RBPJL: variants seen among roughly 807,000 people sequenced by gnomAD.
RBPJL encodes the protein recombining binding protein suppressor of hairless-like protein.
RBPJL carries 50 observed loss-of-function variants against 57.6 expected under a neutral mutation model. That is an observed-to-expected ratio of 0.87 (90% CI 0.69 to 1.10). RBPJL has a LOEUF of 1.10. Ranked by LOEUF, RBPJL falls within the 50% of genes least tolerant of loss-of-function variation. The pLI is 0.00. For synonymous variants in RBPJL, 303 were observed against 294.4 expected (o/e 1.03, Z -0.30); for missense variants, 684 against 693.7 (o/e 0.99, Z 0.16).
intron 10 of RBPJL, 29 bp from the exon 11 acceptor site, chr20:45,316,448 T>G: frequency 6.4e-7 from 1 of 1,555,658 alleles, no homozygotes; most frequent in South Asian, 1.2e-5. Flanking sequence ...CTTGGTTCTC[T>G]CACCTCACCT....
At chr20:45,313,339 C>G in intron 6 of RBPJL, 129 bp from the exon 7 acceptor site, 1 of 671,254 alleles carries the variant, frequency 1.5e-6, no homozygotes, top group East Asian at 2.9e-5. Flanking sequence ...TAACCCTCAC[C>G]CTAATCCTAA....
At position 45,311,879 on chromosome 20, in the gene RBPJL, C is replaced by T. The variant is rs1253527849; in HGVS notation, c.369C>T (p.Tyr123=). 3 of 1,551,804 alleles carry T rather than the reference C, an allele frequency of 1.9e-6. 1 individual carries two copies. The South Asian group carries it at 3.6e-5, about 18-fold the overall frequency. The change falls in exon 5 of 12, where the codon TAC becomes TAT. Residue 123 remains tyrosine, a synonymous_variant. Coordinates refer to ENST00000343694, the MANE Select transcript of RBPJL (RefSeq NM_014276.4). ...AGETGPTVCG[Y]MGLDSASGSA... is the part of the protein sequence containing the mutation. ...AAACGGGGCCCACGGTCTGCGGTTACATGGGACTGGACAGCGCGTCCGGCA... is the reference window on the plus strand; with the variant it reads ...AAACGGGGCCCACGGTCTGCGGTTATATGGGACTGGACAGCGCGTCCGGCA...
rs376461032 is a variant in RBPJL, at chr20:45,316,543, G to C, written c.1243G>C (p.Val415Leu). Residue 415 changes from valine to leucine, a missense_variant, in exon 11 of 12, where the codon GTG (valine) becomes CTG (leucine). By Grantham distance (32) the Val-to-Leu change is conservative. Transcript: ENST00000343694. ...AGAGAACTTCCACGCGGGGCTCAAG[G>C]TGTGGTTTGGGGACGTGGAGGCAGA... The part of the protein sequence containing the change: ...HGENFHAGLK[V>L]WFGDVEAETM... 1 of 1,539,818 alleles carries C rather than the reference G, an allele frequency of 6.5e-7. No individual in the cohort carries two copies. The highest frequency in any genetic ancestry group is 8.7e-7 in the Non-Finnish European group (1 of 1,143,694).
chr20:45,311,485 G>C, intron 3 of RBPJL, 104 bp from the exon 4 acceptor site: 1 of 1,034,142 alleles, frequency 9.7e-7, no homozygotes, highest in South Asian at 1.4e-5. Flanking sequence ...GGAGCGGGAG[G>C]AGGAAACGAA....
intron 3 of RBPJL, 140 bp downstream of exon 3, chr20:45,309,832 C>A: frequency 9.5e-7 from 1 of 1,050,888 alleles, no homozygotes; most frequent in Non-Finnish European, 1.3e-6. Flanking sequence ...AGGGCCTTGA[C>A]CCTCAGCCAC....
chr20:45,317,030 G>C lies in RBPJL; in HGVS notation c.*71G>C, dbSNP rs558804252. 7.2e-6 allele frequency: 11 copies of C among 1,519,712 alleles called. No individual in the cohort carries two copies. In the East Asian group the frequency reaches 2.3e-4, roughly 31 times the overall value. The allele number at this position is 1,519,712 out of a possible 1,614,324, so 94.1% of individuals were successfully genotyped here. Reference sequence around the variant, plus strand: ...CGCCAGGCGCGGGGACGTGTTTCTGGGTTCTAGGCCCTGCTTCCTTGCCCC... The same window carrying C: ...CGCCAGGCGCGGGGACGTGTTTCTGCGTTCTAGGCCCTGCTTCCTTGCCCC... On this transcript the variant is annotated 3_prime_UTR_variant, in exon 12 of 12. Coordinates refer to ENST00000343694, the MANE Select transcript of RBPJL (RefSeq NM_014276.4).
chr20:45,312,843 A>AG (rs1987256271), intron 6 of RBPJL, among the ~76,000 whole-genome samples: 2 of 151,106 alleles, frequency 1.3e-5, no homozygotes, highest in Admixed American at 6.6e-5. Context: ...AAAAAAAAAA[A>AG]AAAGAAAAAG....
chr20:45,316,573 A>T lies in RBPJL; in HGVS notation c.1273A>T (p.Met425Leu). ...VWFGDVEAETMYRSPRSLVCV... is the reference protein window; with the variant it reads ...VWFGDVEAETLYRSPRSLVCV... ...GTTTGGGGACGTGGAGGCAGAAACCATGTACAGGTACGGGGTGGTGAGGCA... is the reference window on the plus strand; with the variant it reads ...GTTTGGGGACGTGGAGGCAGAAACCTTGTACAGGTACGGGGTGGTGAGGCA... The change falls in exon 11 of 12, where the codon ATG becomes TTG. Residue 425 changes from methionine (M) to leucine (L), a missense_variant. By Grantham distance (15) the Met-to-Leu change is conservative. Transcript: ENST00000343694. The T allele has an allele frequency of 6.5e-7, 1 of 1,533,326 alleles. No homozygotes were observed. Among genetic ancestry groups the T allele is most frequent in the Non-Finnish European group, 8.8e-7 (1 of 1,140,140 alleles). The allele number at this position is 1,533,326 out of a possible 1,614,324, so 95.0% of individuals were successfully genotyped here.
At chr20:45,314,698 A>T in intron 9 of RBPJL, 133 bp downstream of exon 9, 1 of 756,514 alleles carries the variant, frequency 1.3e-6, no homozygotes, top group Non-Finnish European at 2.1e-6. Flanking sequence ...AAAATCATAG[A>T]CTCCCAGGAC....
chr20:45,311,848 C>T lies in RBPJL; in HGVS notation c.338C>T (p.Ala113Val), dbSNP rs1987187841. The change falls in exon 5 of 12, where the codon GCG (alanine) becomes GTG (valine). Residue 113 changes from alanine (A) to valine (V), a missense_variant. By Grantham distance (64) the Ala-to-Val change is moderately conservative (BLOSUM62 0). Transcript: ENST00000343694. ...TCGCGTCCCTTTCCAGCTCACCAGG[C>T]GGGGGAAACGGGGCCCACGGTCTGC... Reference protein sequence around the residue: ...VKPGQDQAHQAGETGPTVCGY... With the variant: ...VKPGQDQAHQVGETGPTVCGY... 6.4e-7 allele frequency: 1 copy of T among 1,551,418 alleles called. No homozygotes were observed. Among genetic ancestry groups the T allele is most frequent in the Non-Finnish European group, 8.7e-7 (1 of 1,146,710 alleles).
chr20:45,315,800 AAAG>A (rs1173116502), intron 9 of RBPJL: 1 of 157,630 alleles, frequency 6.3e-6, no homozygotes, highest in Non-Finnish European at 1.4e-5. Context: ...AGAGAGAGAG[AAAG>A]AAAAAGAAAG....
rs1987222297 is a variant in RBPJL, at chr20:45,312,324, C to T, written c.548C>T (p.Thr183Ile). The change falls in exon 6 of 12, where the codon ACC becomes ATC. Residue 183 changes from threonine (T) to isoleucine (I), a missense_variant. Coordinates refer to ENST00000343694, the MANE Select transcript of RBPJL (RefSeq NM_014276.4). ...CTGCGCGGGGGCCGGGAGCTGGGTA[C>T]CTTCCACAGCCGCCTTATCAAGGTC... ...LVLRGGRELGTFHSRLIKVIS... is the reference protein window; with the variant it reads ...LVLRGGRELGIFHSRLIKVIS... The T allele has an allele frequency of 2.5e-6, 4 of 1,614,030 alleles. No individual in the cohort carries two copies. Among genetic ancestry groups the T allele is most frequent in the Non-Finnish European group, 3.4e-6 (4 of 1,180,022 alleles).
intron 6 of RBPJL, among the ~76,000 whole-genome samples, 189 bp from the exon 7 acceptor site, chr20:45,313,279 C>T (rs532735715): frequency 6.6e-6 from 1 of 152,064 alleles, no homozygotes; most frequent in Non-Finnish European, 1.5e-5. Flanking sequence ...TGACCCCCTC[C>T]CTCACCCTAA....
Position 45,311,649 on chromosome 20 carries a change from G to T in RBPJL, c.318G>T (p.Gly106=). Residue 106 remains glycine, a synonymous_variant, in exon 4 of 12, where the codon GGG becomes GGT. Coordinates refer to ENST00000343694, the MANE Select transcript of RBPJL (RefSeq NM_014276.4). ...GGCCTGGCTGGAGGGTGAAGCCAGGGCAGGATCAAGGTGAGGGCGGAATCA... is the reference window on the plus strand; with the variant it reads ...GGCCTGGCTGGAGGGTGAAGCCAGGTCAGGATCAAGGTGAGGGCGGAATCA... ...LSGPGWRVKP[G]QDQAHQAGET... The T allele has an allele frequency of 2.5e-6, 4 of 1,614,148 alleles. No homozygotes were observed. The highest frequency in any genetic ancestry group is 3.4e-6 in the Non-Finnish European group (4 of 1,180,016).
chr20:45,313,572 G>A lies in RBPJL; in HGVS notation c.724G>A (p.Ala242Thr). The A allele has an allele frequency of 6.2e-7, 1 of 1,613,336 alleles. No individual in the cohort carries two copies. Among genetic ancestry groups the A allele is most frequent in the Non-Finnish European group, 8.5e-7 (1 of 1,179,574 alleles). Residue 242 changes from alanine to threonine, a missense_variant, in exon 7 of 12, where the codon GCA becomes ACA. By Grantham distance (58) the Ala-to-Thr change is moderately conservative (BLOSUM62 0). Coordinates refer to ENST00000343694, the MANE Select transcript of RBPJL (RefSeq NM_014276.4). ...GGAGGATGGGGCCTTTGTGGCCAGTGCACGACAGTGGGCTGCCTTCACGCT... is the reference window on the plus strand; with the variant it reads ...GGAGGATGGGGCCTTTGTGGCCAGTACACGACAGTGGGCTGCCTTCACGCT... The part of the protein sequence containing the change: ...SVEDGAFVAS[A>T]RQWAAFTLHL...
At chr20:45,312,913 T>C (rs1044226255) in intron 6 of RBPJL, among the ~76,000 whole-genome samples, 1 of 148,696 alleles carries the variant, frequency 6.7e-6, no homozygotes, top group Non-Finnish European at 1.5e-5. Flanking sequence ...GAGGCTGAGA[T>C]CAGAAGATCA....
chr20:45,312,532 G>C (rs554101930), intron 6 of RBPJL, 137 bp downstream of exon 6: 5 of 847,830 alleles, frequency 5.9e-6, no homozygotes, highest in African/African-American at 3.4e-5. Flanking sequence ...GAGCCGAGAG[G>C]GGAAGGAGTC....
intron 3 of RBPJL, among the ~76,000 whole-genome samples, chr20:45,310,556 G>A (rs1336881204): frequency 2.0e-5 from 3 of 151,790 alleles, no homozygotes; most frequent in Non-Finnish European, 4.4e-5. Context: ...GCAGTGAGCC[G>A]AGATCATGCC....
chr20:45,310,328 C>T (rs887780957), intron 3 of RBPJL, among the ~76,000 whole-genome samples: 1 of 152,086 alleles, frequency 6.6e-6, no homozygotes, highest in South Asian at 2.1e-4. Flanking sequence ...ACAGAAGGGC[C>T]GGGCGCGATG....
Sources: allele counts gnomAD v4.1 joint callset (sites outside exome capture counted in the v4.1 genomes callset), GRCh38; gene constraint gnomAD v4.1.1; transcripts MANE v1.5; gene names NCBI Gene and HGNC (gene_info 2026-07-23, HGNC 2026-07-21).